Variants in SDK1 observed in about 807,000 individuals in gnomAD.
The protein encoded by SDK1 is sidekick cell adhesion molecule 1.
A neutral mutation model predicts 245.5 loss-of-function variants in SDK1; 157 were observed. The ratio of observed to expected loss-of-function variants is 0.64; its 90% CI spans 0.56 to 0.73. The LOEUF is 0.73. SDK1 is among the 30% of genes least tolerant of loss of function. The pLI is 0.00. For synonymous variants in SDK1, 1,647 were observed against 1,278.5 expected, an observed-to-expected ratio of 1.29 and a Z score of -6.15; for missense variants, 3,583 against 3,002.3, an observed-to-expected ratio of 1.19 and a Z score of -4.52.
intron 1 of SDK1, among the ~76,000 whole-genome samples, chr7:3,428,407 CAA>C (rs1351852200): frequency 6.6e-6 from 1 of 152,170 alleles, no homozygotes; most frequent in Non-Finnish European, 1.5e-5. Context: ...AACCATTTCA[CAA>C]AGTCTTAAAG....
At chr7:3,785,001 G>A (rs879263305) in intron 4 of SDK1, among the ~76,000 whole-genome samples, 10 of 152,222 alleles carry the variant, frequency 6.6e-5, no homozygotes, top group Admixed American at 1.3e-4. Context: ...GTACTTACAC[G>A]TAATGGAATA....
At chr7:3,662,654 A>C (rs1393646036) in intron 4 of SDK1, among the ~76,000 whole-genome samples, 1 of 152,164 alleles carries the variant, frequency 6.6e-6, no homozygotes. Context: ...GCAACAACAG[A>C]TGTTTCGGGT....
At chr7:3,701,058 A>G (rs1043677994) in intron 4 of SDK1, among the ~76,000 whole-genome samples, 7 of 152,174 alleles carry the variant, frequency 4.6e-5, no homozygotes, top group African/African-American at 1.7e-4. Flanking sequence ...GGCTGAGGCT[A>G]TCTACGTAGA....
At chr7:3,606,530 A>G (rs559580475) in intron 1 of SDK1, among the ~76,000 whole-genome samples, 1 of 152,122 alleles carries the variant, frequency 6.6e-6, no homozygotes, top group Non-Finnish European at 1.5e-5. Flanking sequence ...CATCCCCCGC[A>G]CTCACTGCAC....
intron 1 of SDK1, among the ~76,000 whole-genome samples, chr7:3,353,874 C>T (rs1780723711): frequency 1.6e-5 from 2 of 125,686 alleles, no homozygotes; most frequent in African/African-American, 3.5e-5. Flanking sequence ...GCTTTCTGTA[C>T]GTCTTCACGT....
At chr7:4,039,053 C>CA (rs965284540) in intron 17 of SDK1, among the ~76,000 whole-genome samples, 2 of 150,178 alleles carry the variant, frequency 1.3e-5, no homozygotes, top group African/African-American at 2.5e-5. Context: ...AACGTAAGGA[C>CA]AAAAAACCAA....
intron 22 of SDK1, among the ~76,000 whole-genome samples, chr7:4,085,716 G>A (rs141033124): frequency 0.015 from 2,317 of 151,990 alleles, 59 homozygotes; most frequent in African/African-American, 0.045. Context: ...CACCACGCCT[G>A]GCTAATTTTT....
intron 1 of SDK1, among the ~76,000 whole-genome samples, chr7:3,466,801 A>C (rs2128596872): frequency 6.6e-6 from 1 of 151,946 alleles, no homozygotes; most frequent in East Asian, 1.9e-4. Context: ...TAAATTGAAC[A>C]CTGTAAAGGA....
intron 17 of SDK1, among the ~76,000 whole-genome samples, chr7:4,027,284 G>C (rs984395986): frequency 1.3e-5 from 2 of 152,232 alleles, no homozygotes; most frequent in African/African-American, 4.8e-5. Flanking sequence ...TAACAGGGAA[G>C]GTGGTGTTGC....
At chr7:4,079,440 T>A in intron 21 of SDK1, 23 bp from the exon 22 acceptor site, 1 of 1,612,652 alleles carries the variant, frequency 6.2e-7, no homozygotes, top group Non-Finnish European at 8.5e-7. Context: ...AATCTCTCCC[T>A]TTCCTCCCTG....
At chr7:3,545,266 T>G (rs1373458309) in intron 1 of SDK1, among the ~76,000 whole-genome samples, 1 of 151,992 alleles carries the variant, frequency 6.6e-6, no homozygotes, top group Non-Finnish European at 1.5e-5. Flanking sequence ...AGAAGAGTCA[T>G]GGGATTGATG....
intron 1 of SDK1, among the ~76,000 whole-genome samples, chr7:3,317,207 A>G (rs899080717): frequency 2.0e-5 from 3 of 146,486 alleles, no homozygotes; most frequent in Non-Finnish European, 4.5e-5. Context: ...AAAAAAAAAA[A>G]AGGCTATCAT....
At chr7:3,384,479 A>G (rs1050494938) in intron 1 of SDK1, among the ~76,000 whole-genome samples, 7 of 152,234 alleles carry the variant, frequency 4.6e-5, no homozygotes, top group Admixed American at 2.0e-4. Context: ...GTATACTCAC[A>G]TACTGAAGGA....
chr7:4,108,288 C>T (rs1008058833), intron 22 of SDK1, among the ~76,000 whole-genome samples: 16 of 152,222 alleles, frequency 1.1e-4, no homozygotes, highest in Non-Finnish European at 2.1e-4. Context: ...ACCCCAGGTT[C>T]GCCTAGACCC....
intron 1 of SDK1, among the ~76,000 whole-genome samples, chr7:3,332,910 CCACTTTGA>C (rs1780105038): frequency 6.6e-6 from 1 of 152,172 alleles, no homozygotes; most frequent in African/African-American, 2.4e-5. Context: ...ATTCAGCTTA[CCACTTTGA>C]CATTACCACT....
intron 1 of SDK1, among the ~76,000 whole-genome samples, chr7:3,334,177 T>TG (rs1780140576): frequency 1.3e-5 from 2 of 152,128 alleles, no homozygotes; most frequent in Non-Finnish European, 2.9e-5. Context: ...AGCTAGAAGG[T>TG]GGGAGTAGAT....
intron 1 of SDK1, among the ~76,000 whole-genome samples, chr7:3,411,720 T>C (rs952840692): frequency 3.3e-5 from 5 of 152,208 alleles, no homozygotes; most frequent in Admixed American, 6.5e-5. Flanking sequence ...CATTTTTTTT[T>C]CTGCATCCTT....
At chr7:4,157,566 G>A (rs1410254998) in intron 30 of SDK1, among the ~76,000 whole-genome samples, 4 of 150,226 alleles carry the variant, frequency 2.7e-5, no homozygotes, top group Non-Finnish European at 4.4e-5. Flanking sequence ...AAGCGGGCCC[G>A]AAGTGCTAAC....
intron 35 of SDK1, among the ~76,000 whole-genome samples, chr7:4,204,698 C>G (rs1784093533): frequency 6.6e-6 from 1 of 152,198 alleles, no homozygotes; most frequent in South Asian, 2.1e-4. Flanking sequence ...GGCCGCAGCC[C>G]CGGCGGCAGG....
Sources: gnomAD v4.1 joint callset for allele counts (sites outside exome capture counted in the v4.1 genomes callset) on GRCh38, gnomAD v4.1.1 for gene constraint, MANE v1.5 for transcripts, NCBI Gene and HGNC (gene_info 2026-07-23, HGNC 2026-07-21) for gene names.